The following ZFHX3 variants were observed in gnomAD, a reference collection of about 807,000 sequenced individuals.
ZFHX3 encodes zinc finger homeobox protein 3.
Under a neutral mutation model 279.1 loss-of-function variants are expected in ZFHX3, and 42 were observed. The observed-to-expected ratio is 0.15, with a 90% CI of 0.12 to 0.19. The LOEUF (loss-of-function observed/expected upper bound fraction) is 0.19. ZFHX3 is among the 10% of genes least tolerant of loss of function. The pLI is 1.00. For synonymous variants in ZFHX3, 2,293 were observed against 1,957.8 expected (o/e 1.17, Z -4.52); for missense variants, 4,981 against 4,754.0 (o/e 1.05, Z -1.40).
intron 1 of ZFHX3, among the ~76,000 whole-genome samples, chr16:73,832,198 T>A (rs1597135081): frequency 6.7e-6 from 1 of 149,904 alleles, no homozygotes. Flanking sequence ...GTGCCCGACC[T>A]CATATGCTTT....
At chr16:73,243,609 T>C (rs1410764093) in intron 5 of ZFHX3, among the ~76,000 whole-genome samples, 1 of 152,218 alleles carries the variant, frequency 6.6e-6, no homozygotes, top group African/African-American at 2.4e-5. Context: ...CGTTGCTAGA[T>C]GGAACTGACA....
chr16:72,789,827 T>C (rs1597228869), intron 9 of ZFHX3: 1 of 152,194 alleles, frequency 6.6e-6, no homozygotes, highest in Admixed American at 6.5e-5. Context: ...GTTTGAATGA[T>C]ACACAGGAGG....
At chr16:73,157,968 G>C (rs980061036) in intron 5 of ZFHX3, among the ~76,000 whole-genome samples, 11 of 151,946 alleles carry the variant, frequency 7.2e-5, no homozygotes, top group Admixed American at 1.3e-4. Context: ...GAACAGAAGT[G>C]ACAGTTTTTG....
chr16:73,252,487 G>C (rs2013539210), intron 5 of ZFHX3, among the ~76,000 whole-genome samples: 1 of 152,172 alleles, frequency 6.6e-6, no homozygotes, highest in Non-Finnish European at 1.5e-5. Context: ...AAGAGAAATA[G>C]GAAAGCTGGG....
At chr16:73,095,892 G>A (rs972081867) in intron 7 of ZFHX3, among the ~76,000 whole-genome samples, 3 of 152,226 alleles carry the variant, frequency 2.0e-5, no homozygotes, top group Non-Finnish European at 4.4e-5. Flanking sequence ...CAACAGAGCT[G>A]TTAGGAGCTT....
intron 5 of ZFHX3, among the ~76,000 whole-genome samples, chr16:73,152,016 G>A (rs1016180117): frequency 4.0e-5 from 6 of 150,212 alleles, no homozygotes; most frequent in Non-Finnish European, 8.9e-5. Flanking sequence ...CAGTTACTGA[G>A]AAGCCACTCT....
In ZFHX3 at chr16:73,498,753, C is replaced by T. The variant is rs7202943; in HGVS notation, c.-1546-42495G>A. The stretch of plus-strand genomic sequence containing the variant: ...GACAAAACCAAGGCCTCATCTGAGC[C>T]GGGAGCTCTCGAGCTGGAATGCAGG... On this transcript the variant is annotated intron_variant, in intron 2 of 17. Coordinates refer to the ZFHX3 transcript ENST00000641206. 1.3e-4 allele frequency among the ~76,000 whole-genome samples: 20 copies of T among 152,074 alleles called. No homozygotes were observed. The East Asian group carries it at 2.7e-3, about 21-fold the overall frequency.
chr16:73,682,440 C>T (rs906523319), intron 1 of ZFHX3, among the ~76,000 whole-genome samples: 2 of 152,084 alleles, frequency 1.3e-5, no homozygotes, highest in Non-Finnish European at 2.9e-5. Flanking sequence ...TTGAAATGGT[C>T]AAGAATGTCA....
chr16:72,866,579 T>C (rs1335920128), intron 4 of ZFHX3, among the ~76,000 whole-genome samples: 1 of 152,202 alleles, frequency 6.6e-6, no homozygotes, highest in African/African-American at 2.4e-5. Flanking sequence ...TAAACTCCTA[T>C]GTGACTTATA....
At chr16:73,211,609 G>T (rs933135024) in intron 5 of ZFHX3, among the ~76,000 whole-genome samples, 2 of 151,804 alleles carry the variant, frequency 1.3e-5, no homozygotes, top group African/African-American at 2.4e-5. Context: ...CCTATTTAGT[G>T]TCCACAGTGC....
intron 5 of ZFHX3, among the ~76,000 whole-genome samples, chr16:73,201,888 C>G (rs896207978): frequency 2.0e-5 from 3 of 152,182 alleles, no homozygotes; most frequent in African/African-American, 7.2e-5. Flanking sequence ...GAATTGCTGC[C>G]TGTCCTTCAT....
At chr16:73,529,819 G>A (rs759242412) in intron 2 of ZFHX3, among the ~76,000 whole-genome samples, 3 of 152,098 alleles carry the variant, frequency 2.0e-5, no homozygotes, top group Admixed American at 6.6e-5. Context: ...CTGTTTCTCC[G>A]TGGCTTCATT....
At chr16:72,951,175 G>A (rs1231879261) in intron 2 of ZFHX3, among the ~76,000 whole-genome samples, 1 of 152,196 alleles carries the variant, frequency 6.6e-6, no homozygotes, top group Non-Finnish European at 1.5e-5. Context: ...CGGACATTCT[G>A]AGATTTCTGG....
chr16:73,886,039 T>C (rs1273127114), intron 1 of ZFHX3, among the ~76,000 whole-genome samples: 1 of 152,222 alleles, frequency 6.6e-6, no homozygotes, highest in Non-Finnish European at 1.5e-5. Context: ...GAATTCAATG[T>C]AATATTCATC....
intron 5 of ZFHX3, among the ~76,000 whole-genome samples, chr16:73,160,592 C>T (rs770600772): frequency 2.0e-5 from 3 of 152,216 alleles, no homozygotes; most frequent in East Asian, 3.9e-4. Context: ...AACCCTCCTT[C>T]CATCTGCATT....
intron 1 of ZFHX3, among the ~76,000 whole-genome samples, chr16:73,857,637 G>A (rs571472942): frequency 6.6e-6 from 1 of 152,320 alleles, no homozygotes; most frequent in Non-Finnish European, 1.5e-5. Flanking sequence ...CCCCCAAGAG[G>A]AGCTGCCTGG....
At chr16:73,634,382 C>A (rs1178158734) in intron 2 of ZFHX3, among the ~76,000 whole-genome samples, 1 of 148,192 alleles carries the variant, frequency 6.7e-6, no homozygotes, top group African/African-American at 2.5e-5. Flanking sequence ...ATTTTTTTCA[C>A]TGGGGAAATA....
intron 2 of ZFHX3, among the ~76,000 whole-genome samples, chr16:73,539,887 C>T (rs1222204449): frequency 6.6e-6 from 1 of 152,190 alleles, no homozygotes; most frequent in Admixed American, 6.5e-5. Context: ...CAAGAAATTG[C>T]TTTTCGACGC....
chr16:72,788,192 G>C lies in ZFHX3; in HGVS notation c.10084C>G (p.Gln3362Glu). 6.2e-7 allele frequency: 1 copy of C among 1,612,486 alleles called. No homozygotes were observed. The highest frequency in any genetic ancestry group is 2.2e-5 in the East Asian group (1 of 44,840). Reference sequence around the variant, plus strand: ...CTCTGCTGGTATTGCTGGTACTGCTGCAGTAGGGAGCCTGGGGACAGCCCC... The same window carrying C: ...CTCTGCTGGTATTGCTGGTACTGCTCCAGTAGGGAGCCTGGGGACAGCCCC... The part of the protein sequence containing the change: ...LMGLSPGSLL[Q>E]QYQQYQQSLQ... Residue 3362 changes from glutamine to glutamate, a missense_variant, in exon 10 of 10, where the codon CAG (glutamine) becomes GAG (glutamate). Physicochemically the swap from Gln to Glu is conservative, Grantham distance 29 (BLOSUM62 2). Around this residue, in one of 7 missense-constraint regions of ZFHX3, gnomAD observed 1,034 missense variants for 786.0 expected, o/e 1.32. Coordinates refer to ENST00000268489, the MANE Select transcript of ZFHX3 (RefSeq NM_006885.4).
Sources: gnomAD v4.1 joint callset for allele counts (sites outside exome capture counted in the v4.1 genomes callset) on GRCh38, gnomAD v4.1.1 for gene constraint, gnomAD v4.1.1 regional missense constraint, MANE v1.5 for transcripts, NCBI Gene and HGNC (gene_info 2026-07-23, HGNC 2026-07-21) for gene names.